The following INTS9 variants were observed in gnomAD, a reference collection of about 807,000 sequenced individuals.
INTS9 encodes protein related to CPSF subunits of 74 kDa.
Under a neutral mutation model 79.7 loss-of-function variants are expected in INTS9, and 55 were observed. The observed-to-expected ratio is 0.69, with a 90% CI of 0.56 to 0.86. INTS9 has a LOEUF of 0.86. INTS9 is among the 40% of genes least tolerant of loss of function. INTS9 has a pLI of 0.00. For missense variants in INTS9, 721 were observed against 831.5 expected, an observed-to-expected ratio of 0.87 and a Z score of 1.64; for synonymous variants, 319 against 325.2, an observed-to-expected ratio of 0.98 and a Z score of 0.20.
chr8:28,852,323 T>G (rs2131264579), intron 2 of INTS9, among the ~76,000 whole-genome samples: 1 of 151,726 alleles, frequency 6.6e-6, no homozygotes, highest in South Asian at 2.1e-4. Context: ...ACTCTGGGAG[T>G]TTTTAAAAAA....
intron 13 of INTS9, among the ~76,000 whole-genome samples, chr8:28,776,987 T>C (rs1024196665): frequency 6.6e-6 from 1 of 152,200 alleles, no homozygotes; most frequent in African/African-American, 2.4e-5. Flanking sequence ...TCATCATACC[T>C]AGAGAGTGCC....
At chr8:28,813,370 G>C in intron 7 of INTS9, 122 bp downstream of exon 7, 2 of 950,334 alleles carry the variant, frequency 2.1e-6, no homozygotes, top group Non-Finnish European at 3.3e-6. Flanking sequence ...AAAGAACAGA[G>C]GCTCTGGATC....
chr8:28,861,615 A>C (rs978489681), intron 1 of INTS9, among the ~76,000 whole-genome samples: 1 of 152,246 alleles, frequency 6.6e-6, no homozygotes, highest in Admixed American at 6.5e-5. Context: ...AATGTGATTA[A>C]AACAAAACAG....
At chr8:28,861,699 G>C (rs1408596662) in intron 1 of INTS9, among the ~76,000 whole-genome samples, 4 of 152,192 alleles carry the variant, frequency 2.6e-5, no homozygotes, top group Non-Finnish European at 5.9e-5. Flanking sequence ...TGGAGGATAA[G>C]GTACACCAGA....
chr8:28,884,599 A>T (rs1810087327), intron 1 of INTS9, among the ~76,000 whole-genome samples: 1 of 152,212 alleles, frequency 6.6e-6, no homozygotes, highest in Non-Finnish European at 1.5e-5. Context: ...ATTACTGAGA[A>T]AGGTATGTAA....
intron 6 of INTS9, among the ~76,000 whole-genome samples, chr8:28,822,921 G>A (rs550911149): frequency 1.5e-4 from 23 of 152,176 alleles, no homozygotes; most frequent in African/African-American, 5.1e-4. Context: ...CTCTTTGGCA[G>A]GGAGTTACTG....
At chr8:28,769,107 T>C (rs112098299) in intron 16 of INTS9, among the ~76,000 whole-genome samples, 4 of 152,100 alleles carry the variant, frequency 2.6e-5, no homozygotes, top group Non-Finnish European at 5.9e-5. Flanking sequence ...GCCAGAGCCT[T>C]TTTCCCTACG....
intron 1 of INTS9, among the ~76,000 whole-genome samples, chr8:28,887,332 G>C (rs925756095): frequency 1.3e-5 from 2 of 152,220 alleles, no homozygotes; most frequent in African/African-American, 4.8e-5. Context: ...ATGAATTTGA[G>C]AGGGTTAAGA....
At chr8:28,804,247 A>G (rs2131005910) in intron 8 of INTS9, among the ~76,000 whole-genome samples, 1 of 152,292 alleles carries the variant, frequency 6.6e-6, no homozygotes, top group East Asian at 1.9e-4. Flanking sequence ...ATCTAAACTG[A>G]GAGGACAGAG....
intron 11 of INTS9, among the ~76,000 whole-genome samples, chr8:28,786,387 T>C (rs1055191747): frequency 6.6e-6 from 1 of 152,078 alleles, no homozygotes; most frequent in Non-Finnish European, 1.5e-5. Flanking sequence ...CTCCCTCAGC[T>C]TCAGGTGATC....
intron 8 of INTS9, 80 bp from the exon 9 acceptor site, chr8:28,796,735 G>T: frequency 1.1e-6 from 1 of 877,766 alleles, no homozygotes; most frequent in South Asian, 1.4e-5. Flanking sequence ...CGAGAACACA[G>T]ACATTGCTCT....
intron 3 of INTS9, 115 bp from the exon 4 acceptor site, chr8:28,846,924 G>T: frequency 1.3e-6 from 1 of 790,020 alleles, no homozygotes; most frequent in Non-Finnish European, 2.2e-6. Flanking sequence ...ACTAGAGCTG[G>T]AGGGAAGCTG....
chr8:28,783,394 C>G (rs964270718), intron 11 of INTS9, among the ~76,000 whole-genome samples: 1 of 152,214 alleles, frequency 6.6e-6, no homozygotes, highest in Non-Finnish European at 1.5e-5. Context: ...GACACCCAGA[C>G]TTCACAGACC....
At chr8:28,884,103 C>T (rs1458803444) in intron 1 of INTS9, among the ~76,000 whole-genome samples, 1 of 148,802 alleles carries the variant, frequency 6.7e-6, no homozygotes, top group Non-Finnish European at 1.5e-5. Context: ...GCTGATTGAC[C>T]ATAGGTAAGC....
chr8:28,847,063 C>A (rs1807560644), intron 3 of INTS9, among the ~76,000 whole-genome samples: 1 of 152,254 alleles, frequency 6.6e-6, no homozygotes, highest in African/African-American at 2.4e-5. Flanking sequence ...TCAAGAAAGC[C>A]ATGCATGGGT....
Position 28,768,028 on chromosome 8 carries a change from A to T in INTS9, c.*118T>A. On this transcript the variant is annotated 3_prime_UTR_variant, in exon 17 of 17. Coordinates refer to ENST00000521022, the MANE Select transcript of INTS9 (RefSeq NM_018250.4). ...CTCAAGAGCCACCTCTTCACTCCTT[A>T]AGCCAGAGGACACCACAAAGACACA... The T allele has an allele frequency of 1.1e-6, 1 of 913,952 alleles. No individual in the cohort carries two copies. Among genetic ancestry groups the T allele is most frequent in the Non-Finnish European group, 1.7e-6 (1 of 573,888 alleles). 56.6% of individuals were successfully genotyped at this position (913,952 alleles called of 1,614,324 possible).
At chr8:28,853,626 T>G (rs1244189960) in intron 2 of INTS9, among the ~76,000 whole-genome samples, 2 of 152,136 alleles carry the variant, frequency 1.3e-5, no homozygotes, top group Admixed American at 1.3e-4. Context: ...AATAGGTAAA[T>G]TATTCTAAGA....
chr8:28,813,089 T>G (rs959224100), intron 7 of INTS9, among the ~76,000 whole-genome samples: 2 of 152,204 alleles, frequency 1.3e-5, no homozygotes, highest in Admixed American at 1.3e-4. Flanking sequence ...AGTTAGGTGT[T>G]AGGCCCTTGT....
intron 2 of INTS9, among the ~76,000 whole-genome samples, chr8:28,851,889 A>G (rs1807859173): frequency 6.6e-6 from 1 of 152,316 alleles, no homozygotes; most frequent in African/African-American, 2.4e-5. Flanking sequence ...TTATTTATCC[A>G]AAAGTGAGAA....
Sources: allele counts gnomAD v4.1 joint callset (sites outside exome capture counted in the v4.1 genomes callset), GRCh38; gene constraint gnomAD v4.1.1; transcripts MANE v1.5; gene names NCBI Gene and HGNC (gene_info 2026-07-23, HGNC 2026-07-21).